ADGRA1: variants seen among roughly 807,000 people sequenced by gnomAD.
ADGRA1 encodes adhesion G protein-coupled receptor A1.
In ADGRA1, 12 loss-of-function variants were observed where a neutral mutation model predicts 21.3. The ratio of observed to expected loss-of-function variants is 0.56; its 90% CI spans 0.36 to 0.91. The LOEUF (loss-of-function observed/expected upper bound fraction) is 0.91, where lower values mean the gene tolerates loss of function less well. Ranked by LOEUF, ADGRA1 falls within the 40% of genes least tolerant of loss-of-function variation. The probability of loss-of-function intolerance (pLI) is 0.01; values close to 1 mark genes in which losing one functional copy is unlikely to be tolerated. For missense variants in ADGRA1, 790 were observed against 805.6 expected (o/e 0.98, Z 0.23); for synonymous variants, 385 against 368.8 (o/e 1.04, Z -0.50).
chr10:133,121,350 G>A (rs12776849), intron 5 of ADGRA1, among the ~76,000 whole-genome samples: 37,686 of 152,198 alleles, frequency 0.25, 4,987 homozygotes, highest in Non-Finnish European at 0.29. Context: ...GAGTGCCTGT[G>A]TGTGTGGAAT....
rs1294791308 is a variant in ADGRA1, at chr10:133,121,751, AGTGTGCGT to A, written c.402-5475_402-5468del. Among the ~76,000 whole-genome samples the A allele has an allele frequency of 9.8e-3, 1,285 of 131,398 alleles. 24 individuals carry two copies. The highest frequency in any genetic ancestry group is 0.036 in the African/African-American group (1,195 of 33,604). 86.2% of individuals were successfully genotyped at this position (131,398 alleles called of 152,430 possible). A position where few individuals can be genotyped will look rare whatever the true frequency, so the allele number is the denominator to read the frequency against. On this transcript the variant is annotated intron_variant, in intron 5 of 6. Coordinates refer to ENST00000392607, the MANE Select transcript of ADGRA1 (RefSeq NM_001083909.3). ...TGTGCTTGTGTGTGTGGTGTGTGCC[AGTGTGCGT>A]GTGTGCAAGTGTGAGTGTGCGTGTC...
chr10:133,124,066 G>A (rs192458710), intron 5 of ADGRA1, among the ~76,000 whole-genome samples: 12 of 152,300 alleles, frequency 7.9e-5, no homozygotes, highest in East Asian at 1.9e-4. Flanking sequence ...ACTGATGGCC[G>A]CTCCTCCCTC....
intron 2 of ADGRA1, among the ~76,000 whole-genome samples, chr10:133,089,843 T>C (rs922684495): frequency 2.0e-5 from 3 of 152,078 alleles, no homozygotes; most frequent in Non-Finnish European, 4.4e-5. Context: ...CTGGCTGAGG[T>C]CTCCGCACTT....
chr10:133,089,125 C>A, intron 2 of ADGRA1: 2 of 849,280 alleles, frequency 2.4e-6, no homozygotes, highest in Non-Finnish European at 3.1e-6. Flanking sequence ...GTGCTGGGTG[C>A]TGATCATACT....
At chr10:133,108,989 C>A (rs1851941158) in intron 5 of ADGRA1, among the ~76,000 whole-genome samples, 1 of 150,390 alleles carries the variant, frequency 6.6e-6, no homozygotes. Flanking sequence ...TCCACTTAGC[C>A]CCAGCTCCAC....
chr10:133,118,915 C>T (rs1166762044), intron 5 of ADGRA1, among the ~76,000 whole-genome samples: 1 of 145,046 alleles, frequency 6.9e-6, no homozygotes, highest in African/African-American at 2.5e-5. Flanking sequence ...TACACTCACA[C>T]ACCACACACA....
intron 5 of ADGRA1, among the ~76,000 whole-genome samples, chr10:133,112,919 G>A (rs1237744090): frequency 6.7e-6 from 1 of 149,702 alleles, no homozygotes; most frequent in Non-Finnish European, 1.5e-5. Context: ...GGGTCTGTAA[G>A]CTGTGTCGGT....
chr10:133,099,019 G>C (rs1240604533), intron 4 of ADGRA1, among the ~76,000 whole-genome samples: 1 of 152,156 alleles, frequency 6.6e-6, no homozygotes, highest in African/African-American at 2.4e-5. Context: ...TGCACTGCCC[G>C]GGAACAGGGA....
At chr10:133,095,898 C>A in intron 2 of ADGRA1, 1 of 1,279,188 alleles carries the variant, frequency 7.8e-7, no homozygotes, top group Non-Finnish European at 1.1e-6. Context: ...GCCCCGATGC[C>A]CAGGGCAGCA....
intron 2 of ADGRA1, among the ~76,000 whole-genome samples, chr10:133,090,079 G>GTC (rs1489904291): frequency 1.3e-5 from 2 of 152,250 alleles, no homozygotes; most frequent in African/African-American, 4.8e-5. Context: ...ATGGAAAACT[G>GTC]TCATTGACAG....
At chr10:133,113,929 G>C (rs549070891) in intron 5 of ADGRA1, among the ~76,000 whole-genome samples, 1 of 152,368 alleles carries the variant, frequency 6.6e-6, no homozygotes, top group East Asian at 1.9e-4. Flanking sequence ...GAGCTTTACA[G>C]ATGGGGAAAC....
In ADGRA1 at chr10:133,095,607, C is replaced by T. The variant is rs145164986; in HGVS notation, c.4-1367C>T. ...GCTGTTCGAACCCTGGGGCAGGGGC[C>T]CTATTTCGGGCTTTGACTGTCAGCC... On this transcript the variant is annotated intron_variant, in intron 2 of 6. Coordinates refer to ENST00000392607, the MANE Select transcript of ADGRA1 (RefSeq NM_001083909.3). 7.6e-4 allele frequency: 1,183 copies of T among 1,558,666 alleles called. 7 individuals are homozygous for T. The African/African-American group carries it at 0.014, about 19-fold the overall frequency.
intron 5 of ADGRA1, among the ~76,000 whole-genome samples, chr10:133,106,342 C>T (rs1287596397): frequency 6.6e-6 from 1 of 152,248 alleles, no homozygotes; most frequent in Non-Finnish European, 1.5e-5. Flanking sequence ...GGTGAGGCCC[C>T]TGCTGACCGA....
At position 133,089,731 on chromosome 10, in the gene ADGRA1, C is replaced by G. The variant is rs73397181; in HGVS notation, c.3+819C>G. On this transcript the variant is annotated intron_variant, in intron 2 of 6. Coordinates refer to ENST00000392607, the MANE Select transcript of ADGRA1 (RefSeq NM_001083909.3). ...TGCATAAGGAGCCATCGGTCTGAGT[C>G]ACTTGCTCATTTTCTTCTTGTTCCG... 8.4e-3 allele frequency among the ~76,000 whole-genome samples: 1,287 copies of G among 152,378 alleles called. 21 individuals are homozygous for G. Among genetic ancestry groups the G allele is most frequent in the African/African-American group, 0.029 (1,196 of 41,588 alleles).
intron 5 of ADGRA1, among the ~76,000 whole-genome samples, chr10:133,112,619 C>T (rs12357284): frequency 0.22 from 23,402 of 105,262 alleles, 4,151 homozygotes; most frequent in Non-Finnish European, 0.27. Context: ...CGGGCTACGT[C>T]GGTTATTTGG....
In ADGRA1 at chr10:133,129,331, C is replaced by G; in HGVS notation, c.1503C>G (p.Gly501=). 6.4e-7 allele frequency: 1 copy of G among 1,570,300 alleles called. No individual in the cohort carries two copies. The highest frequency in any genetic ancestry group is 8.6e-7 in the Non-Finnish European group (1 of 1,159,362). ...TCTACAGCTGCCCCACGCAGCCGGG[C>G]AGGGAGGCAGCGCTCGGGCCCGGCC... is the stretch of plus-strand genomic sequence containing the variant. ...PALYSCPTQP[G]REAALGPGHL... Residue 501 remains glycine (G), a synonymous_variant, in exon 7 of 7, where the codon GGC becomes GGG. Transcript: ENST00000392607.
At position 133,129,004 on chromosome 10, in the gene ADGRA1, G is replaced by T; in HGVS notation, c.1176G>T (p.Leu392=). The T allele has an allele frequency of 6.4e-7, 1 of 1,569,044 alleles. No individual in the cohort carries two copies. Among genetic ancestry groups the T allele is most frequent in the East Asian group, 2.3e-5 (1 of 42,818 alleles). Residue 392 remains leucine (L), a synonymous_variant, in exon 7 of 7, where the codon CTG becomes CTT. Transcript: ENST00000392607. ...PCCAKMHCEP[L]TADEAHVHLQ... ...GCGCCAAGATGCACTGCGAGCCACT[G>T]ACGGCGGACGAGGCGCACGTGCACC...
chr10:133,123,646 C>T (rs184261326), intron 5 of ADGRA1, among the ~76,000 whole-genome samples: 2 of 152,262 alleles, frequency 1.3e-5, no homozygotes, highest in East Asian at 3.9e-4. Flanking sequence ...ATCCGACAGT[C>T]GAGAGGCCGT....
chr10:133,100,203 G>A (rs777065996), intron 4 of ADGRA1, among the ~76,000 whole-genome samples: 31 of 152,236 alleles, frequency 2.0e-4, no homozygotes, highest in Admixed American at 3.9e-4. Context: ...GCATGGCCCC[G>A]GCGGAGGAGT....
Sources: gnomAD v4.1 joint callset for allele counts (sites outside exome capture counted in the v4.1 genomes callset) on GRCh38, gnomAD v4.1.1 for gene constraint, MANE v1.5 for transcripts, NCBI Gene and HGNC (gene_info 2026-07-23, HGNC 2026-07-21) for gene names.